The following STK32B variants were observed in gnomAD, a reference collection of about 807,000 sequenced individuals.
STK32B encodes the protein serine/threonine-protein kinase 32B.
STK32B carries 43 observed loss-of-function variants against 52.6 expected under a neutral mutation model. The ratio of observed to expected loss-of-function variants is 0.82; its 90% CI spans 0.64 to 1.05. The LOEUF (loss-of-function observed/expected upper bound fraction) is 1.05. Ranked by LOEUF, STK32B falls within the 50% of genes least tolerant of loss-of-function variation. STK32B has a pLI of 0.00. For missense variants in STK32B, 621 were observed against 534.6 expected, an observed-to-expected ratio of 1.16 and a Z score of -1.59; for synonymous variants, 238 against 204.3, an observed-to-expected ratio of 1.17 and a Z score of -1.41.
At chr4:5,358,862 G>T (rs765414928) in intron 4 of STK32B, among the ~76,000 whole-genome samples, 2 of 152,330 alleles carry the variant, frequency 1.3e-5, no homozygotes, top group Middle Eastern at 6.8e-3. Context: ...GTGACAAAGT[G>T]CTCTGAGACT....
chr4:5,387,646 C>T (rs1034144826), intron 4 of STK32B, among the ~76,000 whole-genome samples: 4 of 152,192 alleles, frequency 2.6e-5, no homozygotes, highest in African/African-American at 9.6e-5. Context: ...TCAAGCGACT[C>T]TGCCCCTAAC....
intron 1 of STK32B, among the ~76,000 whole-genome samples, chr4:5,054,021 T>C (rs80175799): frequency 0.015 from 1,532 of 102,016 alleles, 7 homozygotes; most frequent in Non-Finnish European, 0.021. Context: ...AAATATAAGG[T>C]TAGGGCTCTC....
intron 3 of STK32B, among the ~76,000 whole-genome samples, chr4:5,170,698 C>A (rs984782109): frequency 6.6e-6 from 1 of 152,226 alleles, no homozygotes; most frequent in African/African-American, 2.4e-5. Context: ...TTTTCTTAAT[C>A]CAGTCTATCA....
chr4:5,278,146 A>C (rs1246868871), intron 3 of STK32B, among the ~76,000 whole-genome samples: 1 of 152,230 alleles, frequency 6.6e-6, no homozygotes, highest in Non-Finnish European at 1.5e-5. Context: ...GACTTCTGGC[A>C]AGGTGATGGG....
chr4:5,491,261 C>T (rs1397376194), intron 11 of STK32B, among the ~76,000 whole-genome samples: 1 of 152,172 alleles, frequency 6.6e-6, no homozygotes, highest in Non-Finnish European at 1.5e-5. Flanking sequence ...TTAATGATTG[C>T]CATTCTAACT....
In STK32B at chr4:5,467,697, G is replaced by A. The variant is rs1472937408; in HGVS notation, c.1042-309G>A. Among the ~76,000 whole-genome samples, 1 of 152,094 alleles carries A rather than the reference G, an allele frequency of 6.6e-6. No homozygotes were observed. The highest frequency in any genetic ancestry group is 1.5e-5 in the Non-Finnish European group (1 of 68,030). On this transcript the variant is annotated intron_variant, in intron 10 of 11. Transcript: ENST00000282908. This position sits in a 1 kb window ranked among gnomAD's most constrained non-coding sequence, Gnocchi z 5.8. The stretch of plus-strand genomic sequence containing the variant: ...TGGTTGTGAATTTCTGGTTTTCCAT[G>A]CCCCTCACGTGGGCCTTAAGTGGTC...
At chr4:5,389,955 G>A (rs370864662) in intron 4 of STK32B, among the ~76,000 whole-genome samples, 1 of 152,300 alleles carries the variant, frequency 6.6e-6, no homozygotes, top group Admixed American at 6.5e-5. Flanking sequence ...TGGGAGTGCC[G>A]CAAGGGGGTG....
At chr4:5,377,862 T>C (rs1283249180) in intron 4 of STK32B, among the ~76,000 whole-genome samples, 1 of 152,212 alleles carries the variant, frequency 6.6e-6, no homozygotes, top group Non-Finnish European at 1.5e-5. Flanking sequence ...CAATTAAACC[T>C]CTCTTCTTTA....
intron 6 of STK32B, among the ~76,000 whole-genome samples, chr4:5,417,589 A>C (rs1712266943): frequency 6.6e-6 from 1 of 152,080 alleles, no homozygotes; most frequent in Non-Finnish European, 1.5e-5. Flanking sequence ...CATTTCTGAA[A>C]TCATTTTCCC....
chr4:5,195,267 C>A (rs1721549459), intron 3 of STK32B, among the ~76,000 whole-genome samples: 1 of 152,140 alleles, frequency 6.6e-6, no homozygotes, highest in Non-Finnish European at 1.5e-5. Context: ...AGGGCTATGG[C>A]TGTTTGCTCA....
intron 4 of STK32B, among the ~76,000 whole-genome samples, chr4:5,373,893 T>C (rs964987163): frequency 1.3e-5 from 2 of 152,220 alleles, no homozygotes; most frequent in Non-Finnish European, 2.9e-5. Context: ...TACTACCTAC[T>C]GTAATTGAAT....
chr4:5,446,820 G>T (rs765368925), intron 7 of STK32B, 44 bp downstream of exon 7: 91 of 1,592,468 alleles, frequency 5.7e-5, no homozygotes, highest in Non-Finnish European at 7.2e-5. Flanking sequence ...GCTGTGCAGT[G>T]GGGGCTCACG....
chr4:5,308,692 C>T (rs918389320), intron 3 of STK32B, among the ~76,000 whole-genome samples: 6 of 152,064 alleles, frequency 3.9e-5, no homozygotes, highest in Admixed American at 6.6e-5. Context: ...TAAACCAGTG[C>T]CTAACGTGTA....
At chr4:5,257,897 C>G (rs1012097978) in intron 3 of STK32B, among the ~76,000 whole-genome samples, 2 of 152,074 alleles carry the variant, frequency 1.3e-5, no homozygotes, top group Non-Finnish European at 2.9e-5. Flanking sequence ...GAGCCAAGAT[C>G]GTGCCACTGC....
chr4:5,239,877 A>G (rs1724892934), intron 3 of STK32B, among the ~76,000 whole-genome samples: 4 of 152,016 alleles, frequency 2.6e-5, no homozygotes. Context: ...ATCGGTTCCA[A>G]ATGCATCATG....
At chr4:5,249,763 G>GT in intron 3 of STK32B, among the ~76,000 whole-genome samples, 1 of 152,034 alleles carries the variant, frequency 6.6e-6, no homozygotes, top group Non-Finnish European at 1.5e-5. Context: ...TTAATTTATT[G>GT]TTTTTGTTTT....
At chr4:5,335,962 C>T (rs1252527655) in intron 4 of STK32B, among the ~76,000 whole-genome samples, 3 of 151,328 alleles carry the variant, frequency 2.0e-5, no homozygotes, top group Non-Finnish European at 4.4e-5. Context: ...ATTGAGAACG[C>T]AGACCTCTTT....
At chr4:5,285,210 G>A (rs941559595) in intron 3 of STK32B, among the ~76,000 whole-genome samples, 14 of 152,052 alleles carry the variant, frequency 9.2e-5, no homozygotes, top group Non-Finnish European at 1.5e-4. Context: ...GCTACCGGTC[G>A]ACAGTAGGCT....
intron 4 of STK32B, among the ~76,000 whole-genome samples, chr4:5,381,603 G>A (rs1735937448): frequency 1.3e-5 from 2 of 152,214 alleles, no homozygotes; most frequent in African/African-American, 4.8e-5. Context: ...TCCTATATGG[G>A]ACTCTGTTTA....
Sources: allele counts gnomAD v4.1 joint callset (sites outside exome capture counted in the v4.1 genomes callset), GRCh38; gene constraint gnomAD v4.1.1; non-coding constraint Gnocchi (gnomAD v3.1); transcripts MANE v1.5; gene names NCBI Gene and HGNC (gene_info 2026-07-23, HGNC 2026-07-21).